Variants in EEA1 observed in about 807,000 individuals in gnomAD.
The protein encoded by EEA1 is early endosome antigen 1, 162kD.
In EEA1, 111 loss-of-function variants were observed where a neutral mutation model predicts 209.2. The observed-to-expected ratio is 0.53, with a 90% CI of 0.45 to 0.62. The LOEUF is 0.62. EEA1 is among the 20% of genes least tolerant of loss of function. EEA1 has a pLI of 0.00. For synonymous variants in EEA1, 536 were observed against 540.6 expected, an observed-to-expected ratio of 0.99 and a Z score of 0.12; for missense variants, 1,343 against 1,530.8, an observed-to-expected ratio of 0.88 and a Z score of 2.05.
intron 2 of EEA1, chr12:92,879,177 G>T: frequency 3.1e-6 from 1 of 323,270 alleles, no homozygotes; most frequent in Non-Finnish European, 5.9e-6. Context: ...TATCTGAAAT[G>T]CTTGAGACAC....
At chr12:92,799,994 G>A (rs929535045) in intron 20 of EEA1, among the ~76,000 whole-genome samples, 11 of 151,842 alleles carry the variant, frequency 7.2e-5, no homozygotes, top group Admixed American at 6.6e-4. Context: ...AGGCCAACGC[G>A]GGCAGGTTAC....
intron 10 of EEA1, chr12:92,835,400 CTTTTTTTTTTTTTTT>C (rs140302130): frequency 8.4e-5 from 13 of 154,412 alleles, no homozygotes; most frequent in East Asian, 5.7e-4. Context: ...AGTTTCACTC[CTTTTTTTTTTTTTTT>C]TTTTTTTTTT....
At chr12:92,890,388 A>G (rs1319836237) in intron 2 of EEA1, among the ~76,000 whole-genome samples, 3 of 152,194 alleles carry the variant, frequency 2.0e-5, no homozygotes, top group Non-Finnish European at 2.9e-5. Context: ...CAGGTATGGT[A>G]TAGGTATGAT....
At chr12:92,796,836 C>T (rs747478652) in intron 21 of EEA1, among the ~76,000 whole-genome samples, 3 of 152,126 alleles carry the variant, frequency 2.0e-5, no homozygotes, top group Non-Finnish European at 4.4e-5. Flanking sequence ...AGTCACAGTA[C>T]TAGAAACTTT....
At chr12:92,844,444 C>T (rs1877307131) in intron 9 of EEA1, among the ~76,000 whole-genome samples, 2 of 152,018 alleles carry the variant, frequency 1.3e-5, no homozygotes, top group South Asian at 4.1e-4. Context: ...TCATATGTAA[C>T]AGCTGATATG....
intron 2 of EEA1, among the ~76,000 whole-genome samples, chr12:92,866,600 C>T (rs760325295): frequency 4.6e-5 from 7 of 151,946 alleles, no homozygotes; most frequent in Non-Finnish European, 7.4e-5. Flanking sequence ...CATTGACCTC[C>T]TCCTCTTCTG....
intron 2 of EEA1, among the ~76,000 whole-genome samples, 194 bp downstream of exon 2, chr12:92,891,435 T>G (rs1879649976): frequency 6.6e-6 from 1 of 152,130 alleles, no homozygotes; most frequent in Non-Finnish European, 1.5e-5. Context: ...TTTTTCAGAG[T>G]CTTAATGTAC....
intron 23 of EEA1, 22 bp downstream of exon 23, chr12:92,781,928 T>G: frequency 6.3e-7 from 1 of 1,584,380 alleles, no homozygotes; most frequent in Non-Finnish European, 8.6e-7. Flanking sequence ...GATTGTAGAT[T>G]TAGGTCAGAA....
At chr12:92,906,149 T>C (rs1380071075) in intron 1 of EEA1, among the ~76,000 whole-genome samples, 2 of 151,114 alleles carry the variant, frequency 1.3e-5, no homozygotes, top group African/African-American at 4.9e-5. Context: ...TGGAGTGCAG[T>C]GGTGTAATCT....
chr12:92,904,725 G>A (rs1221738208), intron 1 of EEA1, among the ~76,000 whole-genome samples: 1 of 152,178 alleles, frequency 6.6e-6, no homozygotes, highest in Non-Finnish European at 1.5e-5. Flanking sequence ...TACTCTAAAA[G>A]ATATCTTAAA....
intron 1 of EEA1, among the ~76,000 whole-genome samples, chr12:92,913,754 A>G (rs536193237): frequency 1.1e-3 from 169 of 152,234 alleles, no homozygotes; most frequent in South Asian, 2.1e-3. Context: ...TCCACCTCCC[A>G]GGCTAAAGCA....
intron 2 of EEA1, among the ~76,000 whole-genome samples, chr12:92,889,873 C>A (rs1379622687): frequency 6.6e-6 from 1 of 152,116 alleles, no homozygotes; most frequent in Non-Finnish European, 1.5e-5. Flanking sequence ...AAGATTGTGC[C>A]ACTGCACTCC....
At chr12:92,779,406 C>A (rs898863094) in intron 24 of EEA1, 106 bp from the exon 25 acceptor site, 14 of 1,013,110 alleles carry the variant, frequency 1.4e-5, no homozygotes, top group South Asian at 2.0e-5. Flanking sequence ...ATAGGTTTTA[C>A]CCACTTATGA....
chr12:92,855,903 T>C (rs1271728291), intron 5 of EEA1, among the ~76,000 whole-genome samples: 2 of 152,236 alleles, frequency 1.3e-5, no homozygotes, highest in East Asian at 1.9e-4. Context: ...CAATTAATTA[T>C]TAATGGCATC....
intron 27 of EEA1, 51 bp downstream of exon 27, chr12:92,777,492 A>T: frequency 6.5e-7 from 1 of 1,542,404 alleles, no homozygotes; most frequent in Non-Finnish European, 8.7e-7. Context: ...GCTTTTCACT[A>T]ATAAGCCAAT....
chr12:92,874,517 C>T (rs1197739109), intron 2 of EEA1, among the ~76,000 whole-genome samples: 1 of 152,120 alleles, frequency 6.6e-6, no homozygotes, highest in Non-Finnish European at 1.5e-5. Flanking sequence ...AGGCGCTTGC[C>T]GCCAGGCCTG....
chr12:92,832,238 C>T lies in EEA1; in HGVS notation c.1254+274G>A, dbSNP rs191330804. On this transcript the variant is annotated intron_variant, in intron 11 of 28. Coordinates refer to ENST00000322349, the MANE Select transcript of EEA1 (RefSeq NM_003566.4). ...ATAATAGCTAAAATCTAGTGAGTAC[C>T]TACACGCCCCAGGTACCATCCTAAG... Among the ~76,000 whole-genome samples, 54 of 151,948 alleles carry T rather than the reference C, an allele frequency of 3.6e-4. 1 individual carries two copies. In the East Asian group the frequency reaches 8.7e-3, roughly 24 times the overall value.
At chr12:92,780,484 ACTG>A (rs1207349059) in intron 23 of EEA1, 73 bp from the exon 24 acceptor site, 1 of 1,085,940 alleles carries the variant, frequency 9.2e-7, no homozygotes, top group Non-Finnish European at 1.3e-6. Context: ...AATAAAAATG[ACTG>A]CTACTATTGA....
intron 1 of EEA1, among the ~76,000 whole-genome samples, chr12:92,903,400 C>G (rs1227148336): frequency 6.6e-6 from 1 of 151,522 alleles, no homozygotes; most frequent in African/African-American, 2.4e-5. Flanking sequence ...GAGTTTGAGA[C>G]CAGCCTGACC....
Sources: gnomAD v4.1 joint callset for allele counts (sites outside exome capture counted in the v4.1 genomes callset) on GRCh38, gnomAD v4.1.1 for gene constraint, MANE v1.5 for transcripts, NCBI Gene and HGNC (gene_info 2026-07-23, HGNC 2026-07-21) for gene names.